MAPK10: variants seen among roughly 807,000 people sequenced by gnomAD.
MAPK10 encodes mitogen-activated protein kinase 10.
A neutral mutation model predicts 59.3 loss-of-function variants in MAPK10; 25 were observed. The observed-to-expected ratio is 0.42, with a 90% CI of 0.31 to 0.59. The LOEUF (loss-of-function observed/expected upper bound fraction) is 0.59. Ranked by LOEUF, MAPK10 falls within the 20% of genes least tolerant of loss-of-function variation. MAPK10 has a pLI of 0.15. For missense variants in MAPK10, 351 were observed against 568.9 expected (o/e 0.62, Z 3.90); for synonymous variants, 190 against 200.5 (o/e 0.95, Z 0.44).
intron 9 of MAPK10, among the ~76,000 whole-genome samples, chr4:86,094,919 T>C (rs552479126): frequency 2.0e-5 from 3 of 151,964 alleles, no homozygotes; most frequent in African/African-American, 7.2e-5. Flanking sequence ...TAGTAACATA[T>C]TTAAATATGA....
intron 11 of MAPK10, among the ~76,000 whole-genome samples, chr4:86,034,186 T>TA (rs1254974989): frequency 2.6e-5 from 4 of 152,308 alleles, no homozygotes; most frequent in Admixed American, 6.5e-5. Context: ...TTAAAGATAG[T>TA]ATATGAACAG....
chr4:86,116,517 G>A (rs1187090614), intron 4 of MAPK10, among the ~76,000 whole-genome samples: 1 of 152,190 alleles, frequency 6.6e-6, no homozygotes, highest in Non-Finnish European at 1.5e-5. Context: ...GTGTAAGTTT[G>A]AGTCCCTGAG....
intron 2 of MAPK10, among the ~76,000 whole-genome samples, chr4:86,348,311 C>G (rs1025014117): frequency 1.7e-4 from 26 of 152,246 alleles, no homozygotes; most frequent in Middle Eastern, 3.4e-3. Context: ...TCATCTGTGC[C>G]TTGTCTTCAC....
intron 1 of MAPK10, among the ~76,000 whole-genome samples, chr4:86,441,699 A>G (rs1749446194): frequency 6.6e-6 from 1 of 152,198 alleles, no homozygotes; most frequent in Non-Finnish European, 1.5e-5. Context: ...CTAGTGATTT[A>G]AAAAACATGG....
At chr4:86,169,434 C>T (rs930015683) in intron 3 of MAPK10, among the ~76,000 whole-genome samples, 12 of 151,894 alleles carry the variant, frequency 7.9e-5, no homozygotes, top group South Asian at 6.2e-4. Context: ...CCTCAGGAGC[C>T]GATGCGATCA....
rs55730486 is a variant in MAPK10 at position 86,107,247 on chromosome 4, G to C, written c.342C>G (p.Leu114=). 6.2e-7 allele frequency: 1 copy of C among 1,612,996 alleles called. No individual in the cohort carries two copies. Among genetic ancestry groups the C allele is most frequent in the Admixed American group, 1.7e-5 (1 of 59,930 alleles). ...HAKRAYRELV[L]MKCVNHKNII... is the part of the protein sequence containing the mutation. Reference sequence around the variant, plus strand: ...CGTTTTTATGGTTCACACACTTCATGAGGACCAGCTCCCGGTACGCTCTCT... The same window carrying C: ...CGTTTTTATGGTTCACACACTTCATCAGGACCAGCTCCCGGTACGCTCTCT... The change falls in exon 5 of 14, where the codon CTC becomes CTG. Residue 114 remains leucine, a synonymous_variant. Coordinates refer to ENST00000641462, the MANE Select transcript of MAPK10 (RefSeq NM_138982.4).
At chr4:86,278,696 T>A (rs1039495899) in intron 2 of MAPK10, among the ~76,000 whole-genome samples, 1 of 152,096 alleles carries the variant, frequency 6.6e-6, no homozygotes, top group Admixed American at 6.6e-5. Flanking sequence ...AATGTTAACA[T>A]CACTAGTAAT....
chr4:86,303,576 A>T (rs575909667), intron 2 of MAPK10, among the ~76,000 whole-genome samples: 1 of 152,324 alleles, frequency 6.6e-6, no homozygotes, highest in East Asian at 1.9e-4. Context: ...ACTGTGAAGA[A>T]AAAGCTAATT....
At chr4:86,377,194 C>T (rs1052797042) in intron 1 of MAPK10, among the ~76,000 whole-genome samples, 5 of 152,168 alleles carry the variant, frequency 3.3e-5, no homozygotes, top group African/African-American at 1.2e-4. Flanking sequence ...TTAACACTAG[C>T]ACTCTGATGT....
At chr4:86,439,045 CATG>C (rs1749109614) in intron 1 of MAPK10, among the ~76,000 whole-genome samples, 1 of 152,020 alleles carries the variant, frequency 6.6e-6, no homozygotes, top group Non-Finnish European at 1.5e-5. Flanking sequence ...GAGGTTTCAG[CATG>C]ATATTTTCTT....
intron 1 of MAPK10, among the ~76,000 whole-genome samples, chr4:86,581,079 T>A (rs1762230499): frequency 6.6e-6 from 1 of 152,208 alleles, no homozygotes; most frequent in Non-Finnish European, 1.5e-5. Context: ...GAATATTATC[T>A]TTTGGGTACA....
intron 2 of MAPK10, among the ~76,000 whole-genome samples, chr4:86,293,199 G>GTCCT: frequency 2.0e-5 from 3 of 152,150 alleles, no homozygotes; most frequent in African/African-American, 7.2e-5. Flanking sequence ...ATGTCCCCTA[G>GTCCT]AATTTCAAAC....
In MAPK10 at chr4:86,014,096, G is replaced by A. The variant is rs1444415551; in HGVS notation, c.*3132C>T. Reference sequence around the variant, plus strand: ...AAATACTGCAAACTATTTTATTAAGGATCACTGCAAACCAACTGCCCCAAA... The same window carrying A: ...AAATACTGCAAACTATTTTATTAAGAATCACTGCAAACCAACTGCCCCAAA... On this transcript the variant is annotated 3_prime_UTR_variant, in exon 14 of 14. Transcript: ENST00000641462. The A allele has an allele frequency of 6.6e-6, 1 of 152,052 alleles. No individual in the cohort carries two copies. Among genetic ancestry groups the A allele is most frequent in the African/African-American group, 2.4e-5 (1 of 41,382 alleles). 9.4% of individuals were successfully genotyped at this position (152,052 alleles called of 1,614,324 possible). A position where few individuals can be genotyped will look rare whatever the true frequency, so the allele number is the denominator to read the frequency against.
intron 4 of MAPK10, among the ~76,000 whole-genome samples, chr4:86,155,576 T>C (rs1383834491): frequency 6.6e-6 from 1 of 152,040 alleles, no homozygotes; most frequent in Non-Finnish European, 1.5e-5. Context: ...ATATATACTA[T>C]GTTTTTTCCT....
At chr4:86,576,840 G>C (rs1375861604) in intron 1 of MAPK10, among the ~76,000 whole-genome samples, 1 of 151,764 alleles carries the variant, frequency 6.6e-6, no homozygotes, top group Non-Finnish European at 1.5e-5. Context: ...CTAGACGAAG[G>C]TTTTAGGATA....
At chr4:86,526,772 A>G (rs773816603) in intron 1 of MAPK10, among the ~76,000 whole-genome samples, 3 of 152,108 alleles carry the variant, frequency 2.0e-5, no homozygotes, top group Non-Finnish European at 4.4e-5. Flanking sequence ...CTGTATCTCT[A>G]TTTTCAAAGA....
chr4:86,322,798 G>A (rs553449687), intron 2 of MAPK10, among the ~76,000 whole-genome samples: 11 of 152,190 alleles, frequency 7.2e-5, no homozygotes, highest in Admixed American at 2.0e-4. Flanking sequence ...TATGCTCATC[G>A]AAGTCATTCC....
At chr4:86,396,718 A>G (rs1327262408) in intron 1 of MAPK10, among the ~76,000 whole-genome samples, 2 of 152,178 alleles carry the variant, frequency 1.3e-5, no homozygotes, top group Non-Finnish European at 2.9e-5. Context: ...GGTATGTCAC[A>G]TAGCAAATGC....
intron 1 of MAPK10, among the ~76,000 whole-genome samples, chr4:86,507,631 T>TAC (rs1755858694): frequency 1.7e-5 from 1 of 58,876 alleles, no homozygotes; most frequent in Non-Finnish European, 3.3e-5. Flanking sequence ...TATATATATA[T>TAC]ATATATATAT....
Sources: gnomAD v4.1 joint callset for allele counts (sites outside exome capture counted in the v4.1 genomes callset) on GRCh38, gnomAD v4.1.1 for gene constraint, MANE v1.5 for transcripts, NCBI Gene and HGNC (gene_info 2026-07-23, HGNC 2026-07-21) for gene names.